SH3RF3: variants seen among roughly 807,000 people sequenced by gnomAD.
SH3RF3 encodes the protein SH3 domain containing ring finger 3.
SH3RF3 carries 29 observed loss-of-function variants against 66.3 expected under a neutral mutation model. The ratio of observed to expected loss-of-function variants is 0.44; its 90% CI spans 0.33 to 0.60. SH3RF3 has a LOEUF of 0.60. SH3RF3 is among the 20% of genes least tolerant of loss of function. SH3RF3 has a pLI of 0.04. For missense variants in SH3RF3, 1,194 were observed against 1,190.9 expected (o/e 1.00, Z -0.04); for synonymous variants, 583 against 532.0 (o/e 1.10, Z -1.32).
At chr2:109,249,537 TTCC>T (rs1558981513) in intron 1 of SH3RF3, among the ~76,000 whole-genome samples, 1,292 of 96,520 alleles carry the variant, frequency 0.013, 9 homozygotes, top group South Asian at 0.02. Flanking sequence ...CTTTCTTTCC[TTCC>T]TTCCTTCCTT....
chr2:109,163,198 C>T (rs929881401), intron 1 of SH3RF3, among the ~76,000 whole-genome samples: 1 of 152,108 alleles, frequency 6.6e-6, no homozygotes, highest in East Asian at 1.9e-4. Flanking sequence ...AATAGGAACT[C>T]GCGGGCAGCT....
rs547406798 is a variant in SH3RF3 at position 109,365,457 on chromosome 2, G to A, written c.850-6129G>A. On this transcript the variant is annotated intron_variant, in intron 2 of 9. Transcript: ENST00000309415. ...AATTTGGGGGGCAGCAGTTTGCCCT[G>A]TGACCTCAGTTCTCTTACAGATCTA... is the stretch of plus-strand genomic sequence containing the variant. 2.4e-3 allele frequency among the ~76,000 whole-genome samples: 362 copies of A among 152,306 alleles called. 2 individuals are homozygous for A. The highest frequency in any genetic ancestry group is 8.4e-3 in the African/African-American group (349 of 41,562).
At chr2:109,488,989 C>T (rs942181698) in intron 8 of SH3RF3, among the ~76,000 whole-genome samples, 14 of 152,202 alleles carry the variant, frequency 9.2e-5, no homozygotes, top group Admixed American at 7.2e-4. Flanking sequence ...TCCCCATGGA[C>T]TGTCAGTACA....
Position 109,149,678 on chromosome 2 carries a change from G to A in SH3RF3, c.573+19565G>A, listed in dbSNP as rs76391937. On this transcript the variant is annotated intron_variant, in intron 1 of 9. Coordinates refer to ENST00000309415, the MANE Select transcript of SH3RF3 (RefSeq NM_001099289.3). ...TTTGGCTCTCTGTGGCAGCAGCAACGTTGCAGAGAGCAAGATAGTCTGGCC... is the reference window on the plus strand; with the variant it reads ...TTTGGCTCTCTGTGGCAGCAGCAACATTGCAGAGAGCAAGATAGTCTGGCC... Among the ~76,000 whole-genome samples, 1,198 of 152,298 alleles carry A rather than the reference G, an allele frequency of 7.9e-3. 12 individuals carry two copies. The highest frequency in any genetic ancestry group is 0.027 in the African/African-American group (1,130 of 41,548).
At chr2:109,476,454 C>G (rs1311651810) in intron 8 of SH3RF3, among the ~76,000 whole-genome samples, 1 of 152,222 alleles carries the variant, frequency 6.6e-6, no homozygotes, top group Non-Finnish European at 1.5e-5. Context: ...CAAATCCCAT[C>G]AGACTCTTCA....
chr2:109,383,582 C>T (rs59556642), intron 3 of SH3RF3, among the ~76,000 whole-genome samples: 9,506 of 152,142 alleles, frequency 0.062, 717 homozygotes, highest in African/African-American at 0.18. Context: ...GATTCGGGTC[C>T]GGGAAATGCC....
chr2:109,129,269 C>A lies in SH3RF3; in HGVS notation c.-272C>A. 1 of 607,964 alleles carries A rather than the reference C, an allele frequency of 1.6e-6. No individual in the cohort carries two copies. The highest frequency in any genetic ancestry group is 2.9e-6 in the Non-Finnish European group (1 of 348,130). 37.7% of individuals were successfully genotyped at this position (607,964 alleles called of 1,614,324 possible). On this transcript the variant is annotated 5_prime_UTR_variant, in exon 1 of 10. Transcript: ENST00000309415. ...TCCCCCGCGCGGGGCGGACTTGCGG[C>A]GGGACAGGTGTAGCCCGCAGCCGCA...
chr2:109,496,669 C>A (rs1488017478), intron 9 of SH3RF3, among the ~76,000 whole-genome samples: 1 of 152,178 alleles, frequency 6.6e-6, no homozygotes, highest in Non-Finnish European at 1.5e-5. Flanking sequence ...GTTAGGATTT[C>A]AGCGTTCCTT....
At chr2:109,238,652 G>GAGTTTCTTAAACCC (rs1679705599) in intron 1 of SH3RF3, among the ~76,000 whole-genome samples, 1 of 152,146 alleles carries the variant, frequency 6.6e-6, no homozygotes, top group Non-Finnish European at 1.5e-5. Context: ...CCCAGAGTGT[G>GAGTTTCTTAAACCC]ATGAATGGAG....
At chr2:109,197,504 C>G (rs1281712262) in intron 1 of SH3RF3, among the ~76,000 whole-genome samples, 2 of 151,248 alleles carry the variant, frequency 1.3e-5, no homozygotes, top group East Asian at 3.8e-4. Context: ...TTTGTGAAGG[C>G]TACTCAGGAG....
At chr2:109,462,807 A>G (rs1217169539) in intron 8 of SH3RF3, among the ~76,000 whole-genome samples, 1 of 152,180 alleles carries the variant, frequency 6.6e-6, no homozygotes, top group Non-Finnish European at 1.5e-5. Flanking sequence ...CTGTTGTGAG[A>G]AGGACATGAG....
intron 1 of SH3RF3, among the ~76,000 whole-genome samples, chr2:109,343,010 A>G (rs558316478): frequency 6.6e-6 from 1 of 152,264 alleles, no homozygotes; most frequent in Admixed American, 6.5e-5. Flanking sequence ...TTTGAATGGA[A>G]TTCCTCTGAA....
At chr2:109,247,011 C>G (rs1437414368) in intron 1 of SH3RF3, among the ~76,000 whole-genome samples, 2 of 152,194 alleles carry the variant, frequency 1.3e-5, no homozygotes, top group Non-Finnish European at 2.9e-5. Context: ...CTGGTCGGAC[C>G]CTCACTTTTT....
intron 2 of SH3RF3, among the ~76,000 whole-genome samples, chr2:109,359,221 G>T (rs1683007987): frequency 6.6e-6 from 1 of 152,078 alleles, no homozygotes; most frequent in Admixed American, 6.6e-5. Context: ...GTTGGCCCTT[G>T]TTCTTCTCCT....
At chr2:109,312,597 TGG>T (rs1681756787) in intron 1 of SH3RF3, among the ~76,000 whole-genome samples, 1 of 140,024 alleles carries the variant, frequency 7.1e-6, no homozygotes, top group East Asian at 3.5e-4. Flanking sequence ...TTGCCCACTC[TGG>T]AGATTTGATA....
intron 1 of SH3RF3, among the ~76,000 whole-genome samples, chr2:109,273,701 T>G (rs1263486519): frequency 2.0e-5 from 3 of 152,096 alleles, no homozygotes; most frequent in African/African-American, 4.8e-5. Context: ...CAGGGACGCA[T>G]GAGATCTATC....
At chr2:109,418,284 C>T (rs1276180409) in intron 4 of SH3RF3, among the ~76,000 whole-genome samples, 3 of 152,144 alleles carry the variant, frequency 2.0e-5, no homozygotes, top group Admixed American at 1.3e-4. Flanking sequence ...CTCCAGGCTC[C>T]CTGACAGCCC....
intron 1 of SH3RF3, among the ~76,000 whole-genome samples, chr2:109,198,960 T>C (rs1012591351): frequency 3.9e-5 from 6 of 152,184 alleles, no homozygotes; most frequent in African/African-American, 1.4e-4. Flanking sequence ...GACCCCATGG[T>C]ATATGCAGTC....
In SH3RF3 at chr2:109,239,684, G is replaced by A. The variant is rs17035233; in HGVS notation, c.574-107990G>A. Among the ~76,000 whole-genome samples, 522 of 152,272 alleles carry A rather than the reference G, an allele frequency of 3.4e-3. 4 individuals are homozygous for A. The highest frequency in any genetic ancestry group is 0.012 in the African/African-American group (493 of 41,568). ...GATTTTTAAGAGCTTTCTTGGTGGA[G>A]TAATAGATTTTAGGGAGGGAGTTGC... is the stretch of plus-strand genomic sequence containing the variant. On this transcript the variant is annotated intron_variant, in intron 1 of 9. Transcript: ENST00000309415.
Sources: allele counts gnomAD v4.1 joint callset (sites outside exome capture counted in the v4.1 genomes callset), GRCh38; gene constraint gnomAD v4.1.1; transcripts MANE v1.5; gene names NCBI Gene and HGNC (gene_info 2026-07-23, HGNC 2026-07-21).